The following SETD1B variants were observed in gnomAD, a reference collection of about 807,000 sequenced individuals.
The protein encoded by SETD1B is SET domain containing 1B, histone lysine methyltransferase, also known as histone-lysine N-methyltransferase SETD1B.
A neutral mutation model predicts 148.0 loss-of-function variants in SETD1B; 7 were observed. That is an observed-to-expected ratio of 0.05 (90% confidence interval 0.03 to 0.09). The LOEUF is 0.09. SETD1B is among the 10% of genes least tolerant of loss of function. SETD1B has a pLI of 1.00. For missense variants in SETD1B, 2,155 were observed against 2,729.9 expected, an observed-to-expected ratio of 0.79 and a Z score of 4.69; for synonymous variants, 1,361 against 1,186.5, an observed-to-expected ratio of 1.15 and a Z score of -3.02.
rs1467762056 is a variant in SETD1B at position 121,814,288 on chromosome 12, C to T, written c.2073C>T (p.Pro691=). The change falls in exon 7 of 17, where the codon CCC becomes CCT. Residue 691 remains proline, a synonymous_variant. Coordinates refer to ENST00000604567, the MANE Select transcript of SETD1B (RefSeq NM_001353345.2). ...CGCCACCTGGCTTCCCCCCGCTGCC[C>T]CCCCCACCACCACCACCCCCACCGC... ...LPPPPGFPPL[P]PPPPPPPPQP... 4.5e-6 allele frequency: 4 copies of T among 890,626 alleles called. No homozygotes were observed. Among genetic ancestry groups the T allele is most frequent in the Non-Finnish European group, 6.2e-6 (4 of 647,968 alleles). 55.2% of individuals were successfully genotyped at this position (890,626 alleles called of 1,614,324 possible). A position where few individuals can be genotyped will look rare whatever the true frequency, so the allele number is the denominator to read the frequency against.
At chr12:121,807,593 G>A (rs1254395289) in intron 4 of SETD1B, among the ~76,000 whole-genome samples, 1 of 152,088 alleles carries the variant, frequency 6.6e-6, no homozygotes. Flanking sequence ...AGCTGCCTCT[G>A]AGGCTCTATA....
chr12:121,828,165 GCTCGGC>G, intron 16 of SETD1B, 95 bp downstream of exon 16: 1 of 1,476,264 alleles, frequency 6.8e-7, no homozygotes, highest in Non-Finnish European at 9.1e-7. Context: ...ACGGGAATCA[GCTCGGC>G]CTCCTTCCCA....
chr12:121,793,104 C>T, the SETD1B span: 14 of 1,497,570 alleles, frequency 9.3e-6, no homozygotes, highest in Admixed American at 7.9e-5. Flanking sequence ...AGGGGAAACC[C>T]TTCGGGCGGG....
chr12:121,791,257 C>T, the SETD1B span, among the ~76,000 whole-genome samples: 5 of 152,222 alleles, frequency 3.3e-5, no homozygotes, highest in Admixed American at 6.5e-5. Context: ...TCCCGAGTAG[C>T]TGGGATTACA....
rs1566555358 is a variant in SETD1B at position 121,819,424 on chromosome 12, A to G, written c.3439A>G (p.Thr1147Ala). The change falls in exon 11 of 17, where the codon ACC becomes GCC. Residue 1147 changes from threonine to alanine, a missense_variant. Coordinates refer to ENST00000604567, the MANE Select transcript of SETD1B (RefSeq NM_001353345.2). ...SDEEETVSIV[T>A]SKAEATSSSE... The stretch of plus-strand genomic sequence containing the variant: ...TCCAGAGGAGACAGTGAGCATTGTA[A>G]CCTCCAAGGCCGAAGCCACGTCGTC... 10 of 1,551,790 alleles carry G rather than the reference A, an allele frequency of 6.4e-6. No individual in the cohort carries two copies. The highest frequency in any genetic ancestry group is 7.8e-6 in the Non-Finnish European group (9 of 1,147,026).
intron 16 of SETD1B, among the ~76,000 whole-genome samples, chr12:121,829,232 G>A (rs1417875080): frequency 6.6e-6 from 1 of 152,216 alleles, no homozygotes; most frequent in Non-Finnish European, 1.5e-5. Context: ...TGGCTGCTGG[G>A]GCAGGAGTGG....
the SETD1B span, chr12:121,797,381 T>TA: frequency 2.2e-6 from 1 of 445,566 alleles, no homozygotes; most frequent in East Asian, 7.0e-5. Context: ...GTTCGCTGGG[T>TA]GACCGGTGGG....
chr12:121,795,958 T>TGG, the SETD1B span: 1 of 142,294 alleles, frequency 7.0e-6, no homozygotes, highest in Admixed American at 6.9e-5. Context: ...CAGCTGATAC[T>TGG]GGCCCCAGTC....
intron 13 of SETD1B, among the ~76,000 whole-genome samples, chr12:121,826,737 G>A (rs1377946260): frequency 2.0e-5 from 3 of 152,070 alleles, no homozygotes; most frequent in Non-Finnish European, 4.4e-5. Flanking sequence ...ACTTAGCTGG[G>A]CCGCGAGGAG....
At chr12:121,793,257 G>C in the SETD1B span, 1 of 1,549,530 alleles carries the variant, frequency 6.5e-7, no homozygotes, top group Non-Finnish European at 8.7e-7. Context: ...AGAGGGGGTC[G>C]GGTTGGTCCT....
At position 121,808,148 on chromosome 12, in the gene SETD1B, T is replaced by C; in HGVS notation, c.545-60T>C. On this transcript the variant is annotated intron_variant, in intron 4 of 16. Coordinates refer to ENST00000604567, the MANE Select transcript of SETD1B (RefSeq NM_001353345.2). This position sits in a 1 kb window ranked among gnomAD's most constrained non-coding sequence, Gnocchi z 5.3. ...CAGGGTGCCACACAGGTTGGAATCC[T>C]TGTGGGGGCTGCCCCATCCTGGAAC... 1 of 1,368,626 alleles carries C rather than the reference T, an allele frequency of 7.3e-7. No individual in the cohort carries two copies. 84.8% of individuals were successfully genotyped at this position (1,368,626 alleles called of 1,614,324 possible).
intron 6 of SETD1B, among the ~76,000 whole-genome samples, chr12:121,811,490 A>G (rs1592978324): frequency 6.6e-6 from 1 of 150,670 alleles, no homozygotes; most frequent in African/African-American, 2.4e-5. Flanking sequence ...ACCATCCCCC[A>G]CCCTCTCCTC....
At chr12:121,825,664 G>A (rs1045965650) in intron 13 of SETD1B, among the ~76,000 whole-genome samples, 2 of 151,730 alleles carry the variant, frequency 1.3e-5, no homozygotes, top group South Asian at 4.2e-4. Flanking sequence ...TTTTAGGGGG[G>A]GACAAAGCCT....
At chr12:121,812,579 C>T (rs1396340831) in intron 6 of SETD1B, among the ~76,000 whole-genome samples, 1 of 151,980 alleles carries the variant, frequency 6.6e-6, no homozygotes, top group Admixed American at 6.6e-5. Flanking sequence ...GGGGCTGGAG[C>T]GCAGGATCTG....
chr12:121,813,285 C>T (rs1876128046), intron 6 of SETD1B, among the ~76,000 whole-genome samples: 1 of 151,852 alleles, frequency 6.6e-6, no homozygotes, highest in South Asian at 2.1e-4. Context: ...TGTGCAGTCA[C>T]GAGACTAGGT....
Position 121,809,979 on chromosome 12 carries a change from C to T in SETD1B, c.1034C>T (p.Ala345Val). The part of the protein sequence containing the change: ...AVTAVAGATA[A>V]FRGSSDLPFG... Reference sequence around the variant, plus strand: ...ACTGCGGTGGCCGGGGCCACAGCCGCTTTCCGGGGTTCCTCGGACCTCCCG... The same window carrying T: ...ACTGCGGTGGCCGGGGCCACAGCCGTTTTCCGGGGTTCCTCGGACCTCCCG... Residue 345 changes from alanine to valine, a missense_variant, in exon 6 of 17, where the codon GCT becomes GTT. Physicochemically the swap from Ala to Val is moderately conservative, Grantham distance 64. Transcript: ENST00000604567. The T allele has an allele frequency of 1.3e-6, 2 of 1,550,930 alleles. No homozygotes were observed. The highest frequency in any genetic ancestry group is 1.7e-6 in the Non-Finnish European group (2 of 1,146,976).
the SETD1B span, chr12:121,793,015 A>AGCG: frequency 1.4e-6 from 1 of 712,228 alleles, no homozygotes; most frequent in Non-Finnish European, 2.3e-6. Context: ...AGCGCCCCTG[A>AGCG]GCGGCCTCCA....
upstream of SETD1B, chr12:121,801,189 C>T (rs547952239): frequency 1.3e-5 from 2 of 152,374 alleles, no homozygotes; most frequent in South Asian, 4.1e-4. Flanking sequence ...GTGCGGAATC[C>T]TCACGATCGA....
At chr12:121,792,778 A>G in the SETD1B span, among the ~76,000 whole-genome samples, 3 of 152,226 alleles carry the variant, frequency 2.0e-5, no homozygotes, top group Admixed American at 6.5e-5. Context: ...CCGAGCACCA[A>G]GGGACTCAAA....
Sources: gnomAD v4.1 joint callset for allele counts (sites outside exome capture counted in the v4.1 genomes callset) on GRCh38, gnomAD v4.1.1 for gene constraint, Gnocchi (gnomAD v3.1) non-coding constraint, MANE v1.5 for transcripts, NCBI Gene and HGNC (gene_info 2026-07-23, HGNC 2026-07-21) for gene names.